POLR2B: variants seen among roughly 807,000 people sequenced by gnomAD.
POLR2B encodes RNA polymerase II subunit B.
POLR2B carries 57 observed loss-of-function variants against 144.6 expected under a neutral mutation model. The ratio of observed to expected loss-of-function variants is 0.39; its 90% CI spans 0.32 to 0.49. The LOEUF (loss-of-function observed/expected upper bound fraction) is 0.49. Among genes scored for constraint, POLR2B ranks in the 20% least tolerant of loss-of-function variants. The probability of loss-of-function intolerance (pLI) is 0.83; values close to 1 mark genes in which losing one functional copy is unlikely to be tolerated. For missense variants in POLR2B, 595 were observed against 1,467.4 expected, an observed-to-expected ratio of 0.41 and a Z score of 9.71; for synonymous variants, 442 against 469.8, an observed-to-expected ratio of 0.94 and a Z score of 0.77.
chr4:57,001,485 T>A (rs1286664961), intron 7 of POLR2B, among the ~76,000 whole-genome samples: 1 of 152,226 alleles, frequency 6.6e-6, no homozygotes, highest in Admixed American at 6.5e-5. Flanking sequence ...TTGTCTTTCA[T>A]AACAAAGTAT....
In POLR2B at chr4:56,978,922, T is replaced by C; in HGVS notation, c.-64T>C. 1 of 1,514,770 alleles carries C rather than the reference T, an allele frequency of 6.6e-7. No homozygotes were observed. Among genetic ancestry groups the C allele is most frequent in the Non-Finnish European group, 9.2e-7 (1 of 1,089,912 alleles). 93.8% of individuals were successfully genotyped at this position (1,514,770 alleles called of 1,614,324 possible). ...CTTCGTCTTTAGCTCCTGGCGCTGCTGGCTTCTGGGCGGTTTTTGTCTTTT... is the reference window on the plus strand; with the variant it reads ...CTTCGTCTTTAGCTCCTGGCGCTGCCGGCTTCTGGGCGGTTTTTGTCTTTT... On this transcript the variant is annotated 5_prime_UTR_variant, in exon 1 of 25. Coordinates refer to ENST00000314595, the MANE Select transcript of POLR2B (RefSeq NM_000938.3).
At chr4:57,009,431 C>T (rs1723122850) in intron 10 of POLR2B, 1 of 152,320 alleles carries the variant, frequency 6.6e-6, no homozygotes, top group Non-Finnish European at 1.5e-5. Context: ...TTGTGCTCTT[C>T]TGTAGCCAGT....
chr4:57,017,480 T>G lies in POLR2B; in HGVS notation c.2155-80T>G. ...AAATCAGGAGTTTTACCAATCATATTTCTTTTGATTTATTGTCAGAGTCTT... is the reference window on the plus strand; with the variant it reads ...AAATCAGGAGTTTTACCAATCATATGTCTTTTGATTTATTGTCAGAGTCTT... On this transcript the variant is annotated intron_variant, in intron 15 of 24. Transcript: ENST00000314595. This position sits in a 1 kb window ranked among gnomAD's most constrained non-coding sequence, Gnocchi z 4.8. 1.7e-6 allele frequency: 2 copies of G among 1,184,882 alleles called. No homozygotes were observed. The highest frequency in any genetic ancestry group is 2.4e-6 in the Non-Finnish European group (2 of 842,372). 73.4% of individuals were successfully genotyped at this position (1,184,882 alleles called of 1,614,324 possible). A position where few individuals can be genotyped will look rare whatever the true frequency, so the allele number is the denominator to read the frequency against.
intron 6 of POLR2B, among the ~76,000 whole-genome samples, chr4:56,998,704 G>A (rs564551053): frequency 6.6e-6 from 1 of 152,304 alleles, no homozygotes; most frequent in South Asian, 2.1e-4. Context: ...GATCCATGAT[G>A]AAACAAATAA....
chr4:56,985,897 C>T (rs538697090), intron 1 of POLR2B, among the ~76,000 whole-genome samples: 1 of 152,290 alleles, frequency 6.6e-6, no homozygotes, highest in African/African-American at 2.4e-5. Context: ...GTGTCAAGAT[C>T]ACATTATAGA....
Position 57,017,639 on chromosome 4 carries a change from A to T in POLR2B, c.2234A>T (p.Asp745Val). 1 of 1,613,202 alleles carries T rather than the reference A, an allele frequency of 6.2e-7. No homozygotes were observed. Among genetic ancestry groups the T allele is most frequent in the Non-Finnish European group, 8.5e-7 (1 of 1,179,186 alleles). ...ATCACCAACTTCCATGTTCGCATGG[A>T]CACATTGGCCCATGTTCTCTATTAT... is the stretch of plus-strand genomic sequence containing the variant. ...VYITNFHVRM[D>V]TLAHVLYYPQ... Residue 745 changes from aspartate to valine, a missense_variant, in exon 16 of 25, where the codon GAC becomes GTC. Physicochemically the swap from Asp to Val is radical, Grantham distance 152 (BLOSUM62 -3). Coordinates refer to ENST00000314595, the MANE Select transcript of POLR2B (RefSeq NM_000938.3). This position sits in a 1 kb window ranked among gnomAD's most constrained non-coding sequence, Gnocchi z 4.8.
At chr4:57,026,671 G>C (rs867835240) in intron 23 of POLR2B, among the ~76,000 whole-genome samples, 1 of 152,094 alleles carries the variant, frequency 6.6e-6, no homozygotes, top group Non-Finnish European at 1.5e-5. Flanking sequence ...CCTGAGGGAA[G>C]AATTGCTTGA....
intron 23 of POLR2B, among the ~76,000 whole-genome samples, chr4:57,027,085 G>A (rs1384345372): frequency 2.6e-5 from 4 of 151,508 alleles, no homozygotes; most frequent in Non-Finnish European, 5.9e-5. Context: ...CTCGGCTCAC[G>A]GCAACCTCCG....
chr4:57,015,121 C>G (rs1723325464), intron 13 of POLR2B, among the ~76,000 whole-genome samples: 1 of 152,120 alleles, frequency 6.6e-6, no homozygotes, highest in Non-Finnish European at 1.5e-5. Flanking sequence ...AAAGTATGGT[C>G]AAAGCAAAGT....
In POLR2B at chr4:57,017,342, G is replaced by T; in HGVS notation, c.2154+101G>T. 3 of 903,388 alleles carry T rather than the reference G, an allele frequency of 3.3e-6. No individual in the cohort carries two copies. Among genetic ancestry groups the T allele is most frequent in the Non-Finnish European group, 3.5e-6 (2 of 577,266 alleles). The allele number at this position is 903,388 out of a possible 1,614,324, so 56.0% of individuals were successfully genotyped here. A position where few individuals can be genotyped will look rare whatever the true frequency, so the allele number is the denominator to read the frequency against. ...ATCTGGAGGGAAAAAGCCTTTTAAT[G>T]AAAAGGCTATTAACTCCTACGGAAT... On this transcript the variant is annotated intron_variant, in intron 15 of 24. Coordinates refer to ENST00000314595, the MANE Select transcript of POLR2B (RefSeq NM_000938.3). This position sits in a 1 kb window ranked among gnomAD's most constrained non-coding sequence, Gnocchi z 4.8.
chr4:57,024,586 C>G (rs748604377), intron 21 of POLR2B, among the ~76,000 whole-genome samples: 1 of 152,088 alleles, frequency 6.6e-6, no homozygotes, highest in Non-Finnish European at 1.5e-5. Flanking sequence ...GAGTCTCACT[C>G]TTTTTGTACC....
intron 6 of POLR2B, among the ~76,000 whole-genome samples, chr4:56,998,754 C>T (rs1722765836): frequency 6.6e-6 from 1 of 152,098 alleles, no homozygotes; most frequent in Admixed American, 6.6e-5. Context: ...TGGAAACAAC[C>T]AATTGGCATT....
chr4:57,024,641 T>C (rs1723658658), intron 21 of POLR2B, among the ~76,000 whole-genome samples: 1 of 152,164 alleles, frequency 6.6e-6, no homozygotes, highest in Non-Finnish European at 1.5e-5. Context: ...TAATTGAGTT[T>C]TTCTTTTTTA....
chr4:57,002,175 G>T (rs1722875548), intron 7 of POLR2B, among the ~76,000 whole-genome samples: 1 of 152,062 alleles, frequency 6.6e-6, no homozygotes, highest in African/African-American at 2.4e-5. Context: ...CCACAGGTGT[G>T]CACAATCATG....
chr4:56,994,978 C>G, intron 5 of POLR2B, 112 bp downstream of exon 5: 1 of 731,838 alleles, frequency 1.4e-6, no homozygotes, highest in Non-Finnish European at 2.2e-6. Flanking sequence ...GATAACCTGG[C>G]ACTGACAGTT....
chr4:57,029,427 C>CT (rs1464309732), intron 23 of POLR2B, among the ~76,000 whole-genome samples: 1 of 152,092 alleles, frequency 6.6e-6, no homozygotes, highest in Non-Finnish European at 1.5e-5. Context: ...AGCTGGTTGT[C>CT]TAATGATCCA....
rs1180356556 is a variant in POLR2B, at chr4:57,017,245, G to A, written c.2154+4G>A. Reference sequence around the variant, plus strand: ...TCCCTTTCCTGATCATAACCAGGTTGGTATCACTTTTTGTCTTCTGGTGTG... The same window carrying A: ...TCCCTTTCCTGATCATAACCAGGTTAGTATCACTTTTTGTCTTCTGGTGTG... On this transcript the variant is annotated splice_donor_region_variant and intron_variant, in intron 15 of 24. Coordinates refer to ENST00000314595, the MANE Select transcript of POLR2B (RefSeq NM_000938.3). The surrounding 1 kb of genome is among the most constrained non-coding windows in gnomAD (Gnocchi z 4.8). 6.2e-7 allele frequency: 1 copy of A among 1,601,776 alleles called. No individual in the cohort carries two copies. The highest frequency in any genetic ancestry group is 8.5e-7 in the Non-Finnish European group (1 of 1,171,958).
chr4:57,027,767 C>G (rs1252075559), intron 23 of POLR2B, among the ~76,000 whole-genome samples: 1 of 152,218 alleles, frequency 6.6e-6, no homozygotes, highest in East Asian at 1.9e-4. Flanking sequence ...TTTACACATG[C>G]ATATTTTGTA....
At chr4:57,024,764 TAAA>T in intron 21 of POLR2B, 119 bp from the exon 22 acceptor site, 1 of 605,038 alleles carries the variant, frequency 1.7e-6, no homozygotes, top group Non-Finnish European at 2.9e-6. Flanking sequence ...TTAAAATACT[TAAA>T]ATAATACTTT....
Sources: allele counts gnomAD v4.1 joint callset (sites outside exome capture counted in the v4.1 genomes callset), GRCh38; gene constraint gnomAD v4.1.1; non-coding constraint Gnocchi (gnomAD v3.1); transcripts MANE v1.5; gene names NCBI Gene and HGNC (gene_info 2026-07-23, HGNC 2026-07-21).